The following ANKDD1A variants were observed in gnomAD, a reference collection of about 807,000 sequenced individuals.
ANKDD1A encodes ankyrin repeat and death domain-containing protein 1A.
A neutral mutation model predicts 63.5 loss-of-function variants in ANKDD1A; 59 were observed. That is an observed-to-expected ratio of 0.93 (90% CI 0.75 to 1.15). ANKDD1A has a LOEUF of 1.15. Ranked by LOEUF, ANKDD1A falls within the 50% of genes most tolerant of loss-of-function variation. The probability of loss-of-function intolerance (pLI) is 0.00; values close to 1 mark genes in which losing one functional copy is unlikely to be tolerated. For missense variants in ANKDD1A, 632 were observed against 656.4 expected (o/e 0.96, Z 0.41); for synonymous variants, 266 against 263.9 (o/e 1.01, Z -0.08).
At chr15:64,912,915 A>G (rs1257130223) in intron 1 of ANKDD1A, among the ~76,000 whole-genome samples, 2 of 152,222 alleles carry the variant, frequency 1.3e-5, no homozygotes, top group African/African-American at 4.8e-5. Flanking sequence ...ATGTGTACCA[A>G]TGGAGCATTG....
Position 64,911,944 on chromosome 15 carries a change from T to G in ANKDD1A, c.14T>G (p.Leu5Arg). The stretch of plus-strand genomic sequence containing the variant: ...CGGAGCGGCAGGATGCAGGAGGAGC[T>G]GGCGTGGGAGACCGACGGCCGTGAG... MQEE[L>R]AWETDGLLPL... The change falls in exon 1 of 15, where the codon CTG becomes CGG. Residue 5 changes from leucine to arginine, a missense_variant. Transcript: ENST00000319580. 4 of 1,107,176 alleles carry G rather than the reference T, an allele frequency of 3.6e-6. No homozygotes were observed. The highest frequency in any genetic ancestry group is 4.4e-6 in the Non-Finnish European group (4 of 908,474). 68.6% of individuals were successfully genotyped at this position (1,107,176 alleles called of 1,614,324 possible). A position where few individuals can be genotyped will look rare whatever the true frequency, so the allele number is the denominator to read the frequency against.
At chr15:64,928,643 C>T (rs868363988) in intron 6 of ANKDD1A, among the ~76,000 whole-genome samples, 4 of 152,314 alleles carry the variant, frequency 2.6e-5, no homozygotes, top group South Asian at 2.1e-4. Flanking sequence ...GGTCACTCCA[C>T]GTGTACTCTA....
intron 9 of ANKDD1A, among the ~76,000 whole-genome samples, chr15:64,937,424 T>G (rs1343701932): frequency 6.6e-6 from 1 of 152,154 alleles, no homozygotes; most frequent in East Asian, 1.9e-4. Context: ...GAATACTATG[T>G]AACTATAAAA....
intron 11 of ANKDD1A, among the ~76,000 whole-genome samples, chr15:64,944,446 T>G (rs1431385027): frequency 6.6e-6 from 1 of 152,232 alleles, no homozygotes; most frequent in African/African-American, 2.4e-5. Context: ...AGGTGGTCAT[T>G]GGAATTATGT....
rs371340673 is a variant in ANKDD1A, at chr15:64,930,931, G to T, written c.669+11G>T. ...GAGGAGCAGAATGCGGTGAGTCACC[G>T]CCTGGGGATGGCGAGATGCATGACC... On this transcript the variant is annotated intron_variant, in intron 7 of 14. Transcript: ENST00000319580. 2 of 1,607,964 alleles carry T rather than the reference G, an allele frequency of 1.2e-6. No homozygotes were observed. The highest frequency in any genetic ancestry group is 4.5e-5 in the East Asian group (2 of 44,862).
At chr15:64,942,666 G>A (rs1486396335) in intron 10 of ANKDD1A, 101 bp downstream of exon 10, 5 of 682,358 alleles carry the variant, frequency 7.3e-6, no homozygotes, top group Admixed American at 8.9e-5. Context: ...CAGAGTTGAG[G>A]AATCACTTTT....
At position 64,951,805 on chromosome 15, in the gene ANKDD1A, TTTC is replaced by T. The variant is rs770310561; in HGVS notation, c.1483+1839_1483+1841del. ...TTCTTCTTCCTTCTTTCTTTCCTCTTTTCTTCTTTCTTCCTCTTCTTCATCCTT... is the reference window on the plus strand; with the variant it reads ...TTCTTCTTCCTTCTTTCTTTCCTCTTTTCTTTCTTCCTCTTCTTCATCCTT... On this transcript the variant is annotated intron_variant, in intron 14 of 14. Coordinates refer to ENST00000319580, the MANE Select transcript of ANKDD1A (RefSeq NM_182703.6). Among the ~76,000 whole-genome samples, 1,161 of 147,486 alleles carry T rather than the reference TTTC, an allele frequency of 7.9e-3. 20 individuals are homozygous for T. The highest frequency in any genetic ancestry group is 0.019 in the South Asian group (91 of 4,698).
In ANKDD1A at chr15:64,947,555, C is replaced by T. The variant is rs760119932; in HGVS notation, c.1313C>T (p.Thr438Met). Residue 438 changes from threonine (T) to methionine (M), a missense_variant, in exon 13 of 15, where the codon ACG (threonine) becomes ATG (methionine). Thr to Met is a moderately conservative substitution (Grantham distance 81). Coordinates refer to ENST00000319580, the MANE Select transcript of ANKDD1A (RefSeq NM_182703.6). The part of the protein sequence containing the change: ...WKKLAYSWEF[T>M]EAHVDAIEQQ... ...AAGCTGGCATATTCCTGGGAGTTCA[C>T]GGAGGCACATGTCGACGCCATCGAG... 1.1e-5 allele frequency: 17 copies of T among 1,614,040 alleles called. No homozygotes were observed. Among genetic ancestry groups the T allele is most frequent in the East Asian group, 2.2e-5 (1 of 44,904 alleles).
intron 14 of ANKDD1A, chr15:64,951,394 CCT>C (rs771225906): frequency 0.32 from 85,016 of 267,328 alleles, 15,788 homozygotes; most frequent in South Asian, 0.44. Flanking sequence ...TTTTCTTCTT[CCT>C]CTTTTTTCTT....
At chr15:64,954,358 CTTCTCCTTCTTCTTCCTTTTCTT>C (rs2085382703) in intron 14 of ANKDD1A, among the ~76,000 whole-genome samples, 10 of 78,136 alleles carry the variant, frequency 1.3e-4, no homozygotes, top group Non-Finnish European at 2.2e-4. Context: ...TTCTTCTCTT[CTTCTCCTTCTTCTTCCTTTTCTT>C]TTCTTCTTCT....
intron 9 of ANKDD1A, among the ~76,000 whole-genome samples, chr15:64,942,225 C>G (rs2085189612): frequency 6.6e-6 from 1 of 152,172 alleles, no homozygotes; most frequent in African/African-American, 2.4e-5. Flanking sequence ...TAGTGAGTTC[C>G]TGATATAGCA....
At chr15:64,953,538 C>CCTTTT (rs1555397831) in intron 14 of ANKDD1A, among the ~76,000 whole-genome samples, 4 of 124,590 alleles carry the variant, frequency 3.2e-5, no homozygotes, top group South Asian at 5.3e-4. Flanking sequence ...CTTCTCCTCT[C>CCTTTT]CTTCTTCCTT....
intron 9 of ANKDD1A, among the ~76,000 whole-genome samples, chr15:64,940,474 C>T (rs933107299): frequency 2.0e-5 from 3 of 152,016 alleles, no homozygotes; most frequent in Non-Finnish European, 4.4e-5. Context: ...GCTCTGTCGC[C>T]CAGGCTGGAG....
chr15:64,917,303 G>A (rs1239669463), intron 2 of ANKDD1A, 83 bp from the exon 3 acceptor site: 13 of 1,473,552 alleles, frequency 8.8e-6, no homozygotes, highest in Non-Finnish European at 1.2e-5. Flanking sequence ...CTGCAGACCA[G>A]CTGTCCTGGG....
rs770327777 is a variant in ANKDD1A at position 64,957,076 on chromosome 15, T to A, written c.1484-27T>A. ...GGTGATAATTGTTTTGTTTTGTTTTTTGAGACAGTCTTGCTCTCTCACCCA... is the reference window on the plus strand; with the variant it reads ...GGTGATAATTGTTTTGTTTTGTTTTATGAGACAGTCTTGCTCTCTCACCCA... On this transcript the variant is annotated intron_variant, in intron 14 of 14. Transcript: ENST00000319580. 77 of 450,150 alleles carry A rather than the reference T, an allele frequency of 1.7e-4. 1 individual carries two copies. The highest frequency in any genetic ancestry group is 1.2e-3 in the South Asian group (74 of 64,052). 27.9% of individuals were successfully genotyped at this position (450,150 alleles called of 1,614,324 possible). A position where few individuals can be genotyped will look rare whatever the true frequency, so the allele number is the denominator to read the frequency against.
At position 64,917,534 on chromosome 15, in the gene ANKDD1A, T is replaced by TCTGA; in HGVS notation, c.267+23_267+24insACTG. 1.3e-6 allele frequency: 2 copies of TCTGA among 1,553,330 alleles called. No individual in the cohort carries two copies. Among genetic ancestry groups the TCTGA allele is most frequent in the Non-Finnish European group, 1.7e-6 (2 of 1,147,530 alleles). On this transcript the variant is annotated intron_variant, in intron 3 of 14. Coordinates refer to ENST00000319580, the MANE Select transcript of ANKDD1A (RefSeq NM_182703.6). Reference sequence around the variant, plus strand: ...CTGTGTGTACGTGTCTGTCTGTCTGTCTGTCTCAGGGTGGTGGGGGGCACT... The same window carrying TCTGA: ...CTGTGTGTACGTGTCTGTCTGTCTGTCTGACTGTCTCAGGGTGGTGGGGGGCACT...
In ANKDD1A at chr15:64,913,277, C is replaced by T. The variant is rs574778878; in HGVS notation, c.34+1313C>T. Among the ~76,000 whole-genome samples, 47 of 152,256 alleles carry T rather than the reference C, an allele frequency of 3.1e-4. No individual in the cohort carries two copies. The Middle Eastern group carries it at 0.014, about 44-fold the overall frequency. Reference sequence around the variant, plus strand: ...GACCTACAAGGGGGATGTGACTAGCCCAGGATCCTGCTGCTGGAAAGTGGC... The same window carrying T: ...GACCTACAAGGGGGATGTGACTAGCTCAGGATCCTGCTGCTGGAAAGTGGC... On this transcript the variant is annotated intron_variant, in intron 1 of 14. Transcript: ENST00000319580.
chr15:64,934,855 A>G (rs924845618), intron 9 of ANKDD1A, among the ~76,000 whole-genome samples: 1 of 151,898 alleles, frequency 6.6e-6, no homozygotes. Context: ...TATGTTGCCT[A>G]TCTGTCCACT....
At chr15:64,913,496 C>T (rs1348780687) in intron 1 of ANKDD1A, among the ~76,000 whole-genome samples, 2 of 152,060 alleles carry the variant, frequency 1.3e-5, no homozygotes, top group Non-Finnish European at 2.9e-5. Context: ...ATGATATTAA[C>T]CTTGTAGGGA....
Sources: gnomAD v4.1 joint callset for allele counts (sites outside exome capture counted in the v4.1 genomes callset) on GRCh38, gnomAD v4.1.1 for gene constraint, MANE v1.5 for transcripts, NCBI Gene and HGNC (gene_info 2026-07-23, HGNC 2026-07-21) for gene names.